The following MCC variants were observed in gnomAD, a reference collection of about 807,000 sequenced individuals.
MCC encodes colorectal mutant cancer protein.
A neutral mutation model predicts 116.2 loss-of-function variants in MCC; 90 were observed. The observed-to-expected ratio is 0.77, with a 90% confidence interval of 0.65 to 0.92. The LOEUF (loss-of-function observed/expected upper bound fraction) is 0.92. Among genes scored for constraint, MCC ranks in the 40% least tolerant of loss-of-function variants. MCC has a pLI of 0.00. For synonymous variants in MCC, 578 were observed against 510.5 expected (o/e 1.13, Z -1.78); for missense variants, 1,516 against 1,312.2 (o/e 1.16, Z -2.40).
rs374798269 is a variant in MCC at position 113,043,639 on chromosome 5, A to G, written c.2656-9T>C. 8.1e-6 allele frequency: 13 copies of G among 1,599,402 alleles called. No homozygotes were observed. Among genetic ancestry groups the G allele is most frequent in the Non-Finnish European group, 1.1e-5 (13 of 1,167,108 alleles). ...GCAGCATCAGCACACTCCTGACAAC[A>G]GCAAACACATTCCAGTTAGGCCTGA... On this transcript the variant is annotated splice_polypyrimidine_tract_variant and intron_variant, in intron 16 of 18. Coordinates refer to ENST00000408903, the MANE Select transcript of MCC (RefSeq NM_001085377.2).
chr5:113,342,669 T>A (rs1768045233), intron 2 of MCC, among the ~76,000 whole-genome samples: 1 of 152,196 alleles, frequency 6.6e-6, no homozygotes, highest in Non-Finnish European at 1.5e-5. Flanking sequence ...AAAAATAGAT[T>A]TGAGGTAAAC....
intron 1 of MCC, among the ~76,000 whole-genome samples, chr5:113,429,550 C>T (rs560215617): frequency 2.0e-5 from 3 of 152,314 alleles, no homozygotes; most frequent in South Asian, 2.1e-4. Context: ...ACAGATGCCT[C>T]GCTTGTTTTC....
chr5:113,317,313 A>G (rs1486427603), intron 3 of MCC, among the ~76,000 whole-genome samples: 2 of 152,226 alleles, frequency 1.3e-5, no homozygotes. Context: ...GGAATTGGCC[A>G]TATGTGAAAT....
chr5:113,090,410 C>T (rs752359077), intron 8 of MCC, among the ~76,000 whole-genome samples: 1 of 151,250 alleles, frequency 6.6e-6, no homozygotes, highest in Non-Finnish European at 1.5e-5. Context: ...GTTGAGCTCT[C>T]TTTGAAGACA....
At chr5:113,114,214 G>C (rs916609301) in intron 6 of MCC, among the ~76,000 whole-genome samples, 5 of 152,180 alleles carry the variant, frequency 3.3e-5, no homozygotes, top group Non-Finnish European at 7.3e-5. Flanking sequence ...TTTTCTGTAA[G>C]TTTGAAGATT....
At chr5:113,133,671 T>C (rs1290071772) in intron 5 of MCC, among the ~76,000 whole-genome samples, 1 of 152,182 alleles carries the variant, frequency 6.6e-6, no homozygotes, top group Non-Finnish European at 1.5e-5. Context: ...CATATGGTAG[T>C]TCTATTTTGA....
chr5:113,247,524 C>T (rs4705808), intron 3 of MCC, among the ~76,000 whole-genome samples: 24,079 of 152,070 alleles, frequency 0.16, 2,247 homozygotes, highest in Admixed American at 0.29. Context: ...AATTTCTTCA[C>T]ATGGAAGTTT....
chr5:113,348,202 T>C (rs1369162311), intron 2 of MCC, among the ~76,000 whole-genome samples: 1 of 152,044 alleles, frequency 6.6e-6, no homozygotes, highest in African/African-American at 2.4e-5. Flanking sequence ...ATCTGCATAA[T>C]AGAACAAATG....
intron 15 of MCC, among the ~76,000 whole-genome samples, chr5:113,050,200 C>T (rs1365055091): frequency 2.0e-5 from 3 of 152,188 alleles, no homozygotes; most frequent in African/African-American, 4.8e-5. Flanking sequence ...AGCTGTGGAG[C>T]CACAGATTGC....
chr5:113,130,046 T>C (rs1295731732), intron 5 of MCC, among the ~76,000 whole-genome samples: 1 of 152,222 alleles, frequency 6.6e-6, no homozygotes, highest in Middle Eastern at 3.2e-3. Context: ...GTATGTTTAT[T>C]GTGGCACTAT....
At chr5:113,136,445 A>C (rs767515655) in intron 5 of MCC, among the ~76,000 whole-genome samples, 1 of 152,224 alleles carries the variant, frequency 6.6e-6, no homozygotes, top group Non-Finnish European at 1.5e-5. Flanking sequence ...AGGTAGAATT[A>C]CTTGGTTGAG....
At chr5:113,222,392 C>T (rs1348774586) in intron 3 of MCC, among the ~76,000 whole-genome samples, 1 of 152,140 alleles carries the variant, frequency 6.6e-6, no homozygotes, top group Non-Finnish European at 1.5e-5. Context: ...CATTGTAATA[C>T]ATTTTCTGAT....
intron 1 of MCC, among the ~76,000 whole-genome samples, chr5:113,480,523 G>A (rs1772351465): frequency 1.3e-5 from 2 of 152,200 alleles, no homozygotes; most frequent in Non-Finnish European, 2.9e-5. Flanking sequence ...CTAAATAACT[G>A]CAAACCTCGA....
intron 11 of MCC, among the ~76,000 whole-genome samples, chr5:113,077,480 C>G (rs1222999901): frequency 6.6e-6 from 1 of 152,188 alleles, no homozygotes; most frequent in Non-Finnish European, 1.5e-5. Flanking sequence ...TGCAATCAAA[C>G]TAGAACTCAG....
At chr5:113,192,368 C>G (rs1170494624) in intron 3 of MCC, among the ~76,000 whole-genome samples, 1 of 152,226 alleles carries the variant, frequency 6.6e-6, no homozygotes, top group Non-Finnish European at 1.5e-5. Context: ...ACACAAGGCA[C>G]TGTTCTTTCA....
chr5:113,390,872 C>T (rs1303583192), intron 1 of MCC, among the ~76,000 whole-genome samples: 1 of 152,092 alleles, frequency 6.6e-6, no homozygotes, highest in South Asian at 2.1e-4. Context: ...TGAAAGACTA[C>T]AAAAAACATC....
chr5:113,147,622 T>C (rs976469649), intron 4 of MCC, among the ~76,000 whole-genome samples: 2 of 152,182 alleles, frequency 1.3e-5, no homozygotes, highest in African/African-American at 2.4e-5. Context: ...CACACAGGAT[T>C]TGTCACAACT....
intron 3 of MCC, among the ~76,000 whole-genome samples, chr5:113,290,177 C>A (rs559661014): frequency 7.5e-4 from 115 of 152,338 alleles, no homozygotes; most frequent in African/African-American, 2.6e-3. Flanking sequence ...AGTTACTCAA[C>A]ACGCAAATGG....
chr5:113,285,408 G>C (rs986468293), intron 3 of MCC, among the ~76,000 whole-genome samples: 12 of 139,434 alleles, frequency 8.6e-5, no homozygotes, highest in African/African-American at 3.0e-4. Context: ...GCCTGCGTTG[G>C]AAACTCTCCA....
Sources: allele counts gnomAD v4.1 joint callset (sites outside exome capture counted in the v4.1 genomes callset), GRCh38; gene constraint gnomAD v4.1.1; transcripts MANE v1.5; gene names NCBI Gene and HGNC (gene_info 2026-07-23, HGNC 2026-07-21).